PKD1L1: variants seen among roughly 807,000 people sequenced by gnomAD.
PKD1L1 encodes the protein polycystin-1-like protein 1.
PKD1L1 carries 236 observed loss-of-function variants against 323.4 expected under a neutral mutation model. That is an observed-to-expected ratio of 0.73 (90% CI 0.66 to 0.81). PKD1L1 has a LOEUF of 0.81. Among genes scored for constraint, PKD1L1 ranks in the 40% least tolerant of loss-of-function variants. The pLI, the probability that PKD1L1 is intolerant of heterozygous loss-of-function variation, is 0.00. For synonymous variants in PKD1L1, 1,344 were observed against 1,335.0 expected (o/e 1.01, Z -0.15); for missense variants, 3,320 against 3,508.0 (o/e 0.95, Z 1.35).
chr7:47,931,889 A>C, intron 5 of PKD1L1, 47 bp downstream of exon 5: 3 of 1,584,006 alleles, frequency 1.9e-6, no homozygotes, highest in African/African-American at 2.7e-5. Context: ...TCAGATGCTC[A>C]CCAGCAGCTT....
intron 46 of PKD1L1, among the ~76,000 whole-genome samples, chr7:47,817,739 G>A (rs1338856345): frequency 1.3e-5 from 2 of 152,060 alleles, no homozygotes; most frequent in Non-Finnish European, 2.9e-5. Flanking sequence ...ACATGGTGAT[G>A]GGCGCCTGTA....
Position 47,908,071 on chromosome 7 carries a change from T to C in PKD1L1, c.1402+6A>G. On this transcript the variant is annotated splice_donor_region_variant and intron_variant, in intron 9 of 56. Coordinates refer to ENST00000289672, the MANE Select transcript of PKD1L1 (RefSeq NM_138295.5). ...TGCTTGCTCAGACTCCAGACATACGTCTTACTTTTCTGATTCACTTGGGAG... is the reference window on the plus strand; with the variant it reads ...TGCTTGCTCAGACTCCAGACATACGCCTTACTTTTCTGATTCACTTGGGAG... 6.2e-7 allele frequency: 1 copy of C among 1,612,912 alleles called. No homozygotes were observed. Among genetic ancestry groups the C allele is most frequent in the Non-Finnish European group, 8.5e-7 (1 of 1,179,720 alleles).
chr7:47,948,510 A>ACCG, upstream of PKD1L1: 1 of 1,471,024 alleles, frequency 6.8e-7, no homozygotes, highest in Admixed American at 1.7e-5. Flanking sequence ...CTGGAAGACA[A>ACCG]AGAAATAGAG....
chr7:47,779,879 G>A (rs890920623), intron 56 of PKD1L1, among the ~76,000 whole-genome samples: 1 of 152,140 alleles, frequency 6.6e-6, no homozygotes, highest in African/African-American at 2.4e-5. Flanking sequence ...GAAAGGAGGT[G>A]CCCAGAAAGA....
At chr7:47,882,200 C>T in intron 19 of PKD1L1, 115 bp from the exon 20 acceptor site, 1 of 1,062,956 alleles carries the variant, frequency 9.4e-7, no homozygotes, top group African/African-American at 1.6e-5. Flanking sequence ...TGGATACCGC[C>T]TATCTAATAT....
rs764324573 is a variant in PKD1L1, at chr7:47,831,262, G to A, written c.6428C>T (p.Thr2143Ile). 6.2e-7 allele frequency: 1 copy of A among 1,614,108 alleles called. No homozygotes were observed. The highest frequency in any genetic ancestry group is 1.1e-5 in the South Asian group (1 of 91,064). Reference protein sequence around the residue: ...WSSAVWAICGTASLACSLGTG... With the variant: ...WSSAVWAICGIASLACSLGTG... ...CCCCAAACTGCAGGCCAAAGAAGCG[G>A]TCCCACAAATGGCCCACACTGCAGA... The change falls in exon 42 of 57, where the codon ACC (threonine) becomes ATC (isoleucine). Residue 2143 changes from threonine (T) to isoleucine (I), a missense_variant. Transcript: ENST00000289672.
At chr7:47,790,539 G>T (rs1391528724) in intron 56 of PKD1L1, among the ~76,000 whole-genome samples, 1 of 151,748 alleles carries the variant, frequency 6.6e-6, no homozygotes, top group African/African-American at 2.4e-5. Context: ...CACTGTGTTA[G>T]CCAGGATGGT....
chr7:47,789,825 T>C (rs761114980), intron 56 of PKD1L1, among the ~76,000 whole-genome samples: 1 of 152,254 alleles, frequency 6.6e-6, no homozygotes, highest in Non-Finnish European at 1.5e-5. Flanking sequence ...CTTTCATTTT[T>C]ATGTTACAAA....
chr7:47,785,426 C>T (rs1473441122), intron 56 of PKD1L1, among the ~76,000 whole-genome samples: 2 of 152,134 alleles, frequency 1.3e-5, no homozygotes, highest in African/African-American at 4.8e-5. Flanking sequence ...ATGCATGAAA[C>T]GTGAAAGTGT....
chr7:47,825,100 T>C (rs1189983728), intron 45 of PKD1L1, among the ~76,000 whole-genome samples: 1 of 152,258 alleles, frequency 6.6e-6, no homozygotes, highest in Admixed American at 6.5e-5. Flanking sequence ...TAACAGAGTA[T>C]GTGGTCACAT....
intron 7 of PKD1L1, among the ~76,000 whole-genome samples, chr7:47,918,578 A>G (rs1787476121): frequency 6.6e-6 from 1 of 152,176 alleles, no homozygotes; most frequent in Admixed American, 6.5e-5. Context: ...TCTATTCAAT[A>G]GTGTATAGAA....
In PKD1L1 at chr7:47,831,409, A is replaced by C. The variant is rs956361888; in HGVS notation, c.6338-57T>G. ...TTAAGAGACCTCGGCATCTCCATCC[A>C]CGCGGAGTGTGGTGGTGAATCTTAG... On this transcript the variant is annotated intron_variant, in intron 41 of 56. Coordinates refer to ENST00000289672, the MANE Select transcript of PKD1L1 (RefSeq NM_138295.5). 10 of 1,560,620 alleles carry C rather than the reference A, an allele frequency of 6.4e-6. No individual in the cohort carries two copies. In the African/African-American group the frequency reaches 1.2e-4, roughly 19 times the overall value.
Position 47,775,138 on chromosome 7 carries a change from G to T in PKD1L1, c.*5C>A, listed in dbSNP as rs115153778. 2 of 1,613,794 alleles carry T rather than the reference G, an allele frequency of 1.2e-6. No homozygotes were observed. Among genetic ancestry groups the T allele is most frequent in the African/African-American group, 1.3e-5 (1 of 74,878 alleles). On this transcript the variant is annotated 3_prime_UTR_variant, in exon 57 of 57. Transcript: ENST00000289672. Reference sequence around the variant, plus strand: ...CCATAGTGCCTATGCAAGGTACCAGGCTCCTCAGAAGTCCTTGATGTCTGC... The same window carrying T: ...CCATAGTGCCTATGCAAGGTACCAGTCTCCTCAGAAGTCCTTGATGTCTGC...
chr7:47,790,870 T>C (rs1786929246), intron 56 of PKD1L1, among the ~76,000 whole-genome samples: 2 of 151,886 alleles, frequency 1.3e-5, no homozygotes. Flanking sequence ...AATCTTTCCG[T>C]CTCAGCCTCC....
chr7:47,786,402 G>A (rs755053676), intron 56 of PKD1L1, among the ~76,000 whole-genome samples: 29 of 152,212 alleles, frequency 1.9e-4, no homozygotes, highest in Non-Finnish European at 3.8e-4. Context: ...AAACCTTGCT[G>A]AAAAGAGTGG....
intron 15 of PKD1L1, 108 bp from the exon 16 acceptor site, chr7:47,890,871 C>T (rs909061): frequency 0.017 from 15,932 of 922,330 alleles, 627 homozygotes; most frequent in African/African-American, 0.14. Context: ...ACAGGGGACA[C>T]GTGCTGGGAA....
intron 15 of PKD1L1, 96 bp downstream of exon 15, chr7:47,893,782 T>C: frequency 7.6e-7 from 1 of 1,311,360 alleles, no homozygotes; most frequent in East Asian, 2.6e-5. Flanking sequence ...GTGCTTAAAA[T>C]TTAAAACTAT....
intron 40 of PKD1L1, 113 bp from the exon 41 acceptor site, chr7:47,833,365 G>A (rs1184135871): frequency 1.5e-5 from 18 of 1,240,218 alleles, no homozygotes; most frequent in South Asian, 5.8e-5. Flanking sequence ...TGGCATGGGC[G>A]GGGTGTGGTG....
chr7:47,856,929 T>G (rs1266019032), intron 28 of PKD1L1, among the ~76,000 whole-genome samples: 2 of 152,146 alleles, frequency 1.3e-5, no homozygotes, highest in Non-Finnish European at 2.9e-5. Context: ...TAGAGAATCC[T>G]TGCTCTCTGC....
Sources: gnomAD v4.1 joint callset for allele counts (sites outside exome capture counted in the v4.1 genomes callset) on GRCh38, gnomAD v4.1.1 for gene constraint, MANE v1.5 for transcripts, NCBI Gene and HGNC (gene_info 2026-07-23, HGNC 2026-07-21) for gene names.